CELF1: variants seen among roughly 807,000 people sequenced by gnomAD.
CELF1 encodes 50 kDa nuclear polyadenylated RNA-binding protein.
CELF1 carries 10 observed loss-of-function variants against 61.8 expected under a neutral mutation model. That is an observed-to-expected ratio of 0.16 (90% confidence interval 0.10 to 0.27). The LOEUF is 0.27. Among genes scored for constraint, CELF1 ranks in the 10% least tolerant of loss-of-function variants. CELF1 has a pLI of 1.00. For synonymous variants in CELF1, 236 were observed against 225.1 expected, an observed-to-expected ratio of 1.05 and a Z score of -0.43; for missense variants, 380 against 639.1, an observed-to-expected ratio of 0.59 and a Z score of 4.37.
At chr11:47,559,635 A>T (rs1169993671) in intron 2 of CELF1, among the ~76,000 whole-genome samples, 1 of 152,160 alleles carries the variant, frequency 6.6e-6, no homozygotes. Context: ...CGGCCTATGT[A>T]ACTTTTTGAA....
At chr11:47,547,551 C>A (rs2096997165) in intron 1 of CELF1, among the ~76,000 whole-genome samples, 1 of 151,800 alleles carries the variant, frequency 6.6e-6, no homozygotes, top group Non-Finnish European at 1.5e-5. Context: ...GTGGCTCATG[C>A]CTGTAGTCCC....
At chr11:47,503,026 CTGTCTCAG>C (rs1405727988) in intron 1 of CELF1, among the ~76,000 whole-genome samples, 1 of 151,616 alleles carries the variant, frequency 6.6e-6, no homozygotes, top group African/African-American at 2.4e-5. Flanking sequence ...GGTTGTCCGT[CTGTCTCAG>C]TATTCTCTGC....
chr11:47,542,647 A>G (rs1203063772), intron 1 of CELF1, among the ~76,000 whole-genome samples: 1 of 152,058 alleles, frequency 6.6e-6, no homozygotes, highest in African/African-American at 2.4e-5. Context: ...ACAGACACGC[A>G]CCACCACATC....
At chr11:47,558,098 C>T (rs1347535524), upstream of CELF1, among the ~76,000 whole-genome samples, 4 of 152,078 alleles carry the variant, frequency 2.6e-5, no homozygotes, top group Admixed American at 2.6e-4. Flanking sequence ...CTCAGGTGAT[C>T]TGCCCGCCTC....
intron 1 of CELF1, among the ~76,000 whole-genome samples, chr11:47,534,040 TTTTTG>T (rs1461432744): frequency 1.4e-5 from 2 of 146,172 alleles, no homozygotes; most frequent in African/African-American, 2.5e-5. Flanking sequence ...TTTTTTTTTT[TTTTTG>T]GACATAGAGT....
chr11:47,502,016 T>C (rs1184214028), intron 1 of CELF1, among the ~76,000 whole-genome samples: 1 of 152,190 alleles, frequency 6.6e-6, no homozygotes, highest in Non-Finnish European at 1.5e-5. Flanking sequence ...CACTGTCCAA[T>C]GTATGAAAAG....
intron 1 of CELF1, among the ~76,000 whole-genome samples, chr11:47,517,720 T>C (rs1284238124): frequency 9.9e-5 from 15 of 152,036 alleles, no homozygotes; most frequent in Admixed American, 7.9e-4. Context: ...TGGCGCAATA[T>C]TGGCTCACTG....
rs541919790 is a variant in CELF1 at position 47,520,027 on chromosome 11, A to AG, written c.-153-19096dup. ...CAAGCTCTTAAAAAAAAAAGCCAGGAGATCTATCAATCAAAAAAGCAACTA... is the reference window on the plus strand; with the variant it reads ...CAAGCTCTTAAAAAAAAAAGCCAGGAGGATCTATCAATCAAAAAAGCAACTA... On this transcript the variant is annotated intron_variant, in intron 1 of 14. Coordinates refer to ENST00000687097, the MANE Select transcript of CELF1 (RefSeq NM_001376376.1). Among the ~76,000 whole-genome samples the AG allele has an allele frequency of 1.6e-3, 238 of 146,888 alleles. 2 individuals are homozygous for AG. Among genetic ancestry groups the AG allele is most frequent in the African/African-American group, 5.3e-3 (219 of 40,980 alleles).
chr11:47,495,364 G>A (rs1159459438), intron 3 of CELF1, among the ~76,000 whole-genome samples: 1 of 152,172 alleles, frequency 6.6e-6, no homozygotes, highest in Non-Finnish European at 1.5e-5. Context: ...GTAGGTTGGT[G>A]GTTGCTTAGG....
chr11:47,505,745 G>A (rs766964362), intron 1 of CELF1, among the ~76,000 whole-genome samples: 1 of 149,492 alleles, frequency 6.7e-6, no homozygotes, highest in African/African-American at 2.4e-5. Flanking sequence ...GAGGTCAGGA[G>A]TTCGAGACCT....
At chr11:47,507,932 A>G (rs1375880373) in intron 1 of CELF1, among the ~76,000 whole-genome samples, 1 of 152,202 alleles carries the variant, frequency 6.6e-6, no homozygotes, top group Non-Finnish European at 1.5e-5. Flanking sequence ...ACTTCCTAAA[A>G]GCATTTACTT....
chr11:47,552,898 C>T (rs2153786009), intron 1 of CELF1, 94 bp downstream of exon 1: 1 of 396,554 alleles, frequency 2.5e-6, no homozygotes, highest in East Asian at 3.6e-5. Context: ...GACCCGCGGC[C>T]TCCCTAACCG....
At chr11:47,491,939 G>C (rs529690693) in intron 3 of CELF1, among the ~76,000 whole-genome samples, 3 of 152,216 alleles carry the variant, frequency 2.0e-5, no homozygotes, top group African/African-American at 4.8e-5. Flanking sequence ...TTTAAGAGCA[G>C]CTATTATCTC....
intron 1 of CELF1, among the ~76,000 whole-genome samples, chr11:47,508,948 T>G (rs2094800059): frequency 6.6e-6 from 1 of 152,144 alleles, no homozygotes; most frequent in Non-Finnish European, 1.5e-5. Context: ...TTTGTGTTTT[T>G]AGTAGAGATG....
intron 2 of CELF1, among the ~76,000 whole-genome samples, chr11:47,558,583 A>ATT (rs2097214143): frequency 9.0e-6 from 1 of 110,932 alleles, no homozygotes. Context: ...AAATATATAT[A>ATT]TATATTTATA....
At chr11:47,514,692 C>CCAA (rs1299644532) in intron 1 of CELF1, among the ~76,000 whole-genome samples, 1 of 106,100 alleles carries the variant, frequency 9.4e-6, no homozygotes, top group African/African-American at 3.9e-5. Flanking sequence ...CCTATCTCTA[C>CCAA]AAAAAAAAAA....
chr11:47,487,812 C>T (rs1022687966), intron 4 of CELF1, among the ~76,000 whole-genome samples: 1 of 152,196 alleles, frequency 6.6e-6, no homozygotes, highest in Non-Finnish European at 1.5e-5. Flanking sequence ...TCTAAAAGCA[C>T]ATGGTGCTGC....
chr11:47,482,266 CA>C lies in CELF1; in HGVS notation c.768+428del, dbSNP rs568789164. 1.9e-4 allele frequency among the ~76,000 whole-genome samples: 29 copies of C among 152,196 alleles called. No homozygotes were observed. The East Asian group carries it at 5.6e-3, about 29-fold the overall frequency. ...AAAGAAAAAAAATCTCTTGATCTCTCAAGTCCGCTGAAAGAAACATTTATCA... is the reference window on the plus strand; with the variant it reads ...AAAGAAAAAAAATCTCTTGATCTCTCAGTCCGCTGAAAGAAACATTTATCA... On this transcript the variant is annotated intron_variant, in intron 9 of 14. Transcript: ENST00000687097.
chr11:47,499,859 T>C lies in CELF1; in HGVS notation c.-81-255A>G, dbSNP rs1000581540. On this transcript the variant is annotated intron_variant, in intron 2 of 14. Transcript: ENST00000687097. ...ATAAATAGTGTCAGATCCATGAAGA[T>C]AGCAGTGGCTAACAGAGCAGAAGAA... 32 of 217,240 alleles carry C rather than the reference T, an allele frequency of 1.5e-4. 1 individual carries two copies. The highest frequency in any genetic ancestry group is 7.4e-4 in the Admixed American group (13 of 17,570). 13.5% of individuals were successfully genotyped at this position (217,240 alleles called of 1,614,324 possible).
Sources: gnomAD v4.1 joint callset for allele counts (sites outside exome capture counted in the v4.1 genomes callset) on GRCh38, gnomAD v4.1.1 for gene constraint, MANE v1.5 for transcripts, NCBI Gene and HGNC (gene_info 2026-07-23, HGNC 2026-07-21) for gene names.